The following NLGN4Y variants were observed in gnomAD, a reference collection of about 807,000 sequenced individuals.
NLGN4Y encodes neuroligin 4 Y-linked.
NLGN4Y carries 4 observed loss-of-function variants against 8.4 expected under a neutral mutation model. The observed-to-expected ratio is 0.48, with a 90% CI of 0.23 to 1.09. The LOEUF (loss-of-function observed/expected upper bound fraction) is 1.09. NLGN4Y is among the 50% of genes least tolerant of loss of function. The pLI, the probability that NLGN4Y is intolerant of heterozygous loss-of-function variation, is 0.19. For missense variants in NLGN4Y, 90 were observed against 192.3 expected (o/e 0.47, Z 3.15); for synonymous variants, 35 against 75.6 (o/e 0.46, Z 2.78).
At chrY:14,760,595 C>G in intron 4 of NLGN4Y, among the ~76,000 whole-genome samples, 1 of 33,667 alleles carries the variant, frequency 3.0e-5, no homozygotes, top group South Asian at 6.4e-4. Context: ...AATCTCAAAG[C>G]GTGACACTTT....
chrY:14,577,471 CAA>C (rs2080302829), intron 1 of NLGN4Y, among the ~76,000 whole-genome samples: 3 of 33,932 alleles, frequency 8.8e-5, no homozygotes, highest in African/African-American at 3.4e-4. Flanking sequence ...ATCTGACATT[CAA>C]AGAGTATTTT....
At chrY:14,577,832 A>C (rs1055259142) in intron 1 of NLGN4Y, among the ~76,000 whole-genome samples, 25 of 34,008 alleles carry the variant, frequency 7.4e-4, no homozygotes, top group African/African-American at 2.7e-3. Flanking sequence ...AACTGGCATG[A>C]GATTGTATCT....
At chrY:14,803,027 CATATA>C (rs2043042901) in intron 4 of NLGN4Y, among the ~76,000 whole-genome samples, 4 of 21,621 alleles carry the variant, frequency 1.9e-4, no homozygotes, top group South Asian at 8.5e-4. Context: ...AATTATTTTA[CATATA>C]ATATATTATA....
At chrY:14,804,659 C>T in intron 4 of NLGN4Y, among the ~76,000 whole-genome samples, 1 of 33,242 alleles carries the variant, frequency 3.0e-5, no homozygotes, top group Admixed American at 2.8e-4. Context: ...GTTAGGCAAG[C>T]GCCCTATAGA....
intron 1 of NLGN4Y, among the ~76,000 whole-genome samples, chrY:14,618,177 C>T (rs2080497420): frequency 3.2e-5 from 1 of 30,848 alleles, no homozygotes; most frequent in African/African-American, 1.3e-4. Context: ...CAAATGATCG[C>T]CCAGTTTCGT....
At chrY:14,605,679 A>G in intron 1 of NLGN4Y, among the ~76,000 whole-genome samples, 2 of 32,721 alleles carry the variant, frequency 6.1e-5, no homozygotes, top group Non-Finnish European at 7.5e-5. Context: ...TTGATGTTTT[A>G]TGAACAGCCT....
chrY:14,825,633 G>T, intron 5 of NLGN4Y, among the ~76,000 whole-genome samples: 3 of 32,179 alleles, frequency 9.3e-5, no homozygotes, highest in Non-Finnish European at 2.2e-4. Context: ...TGAGGCACTT[G>T]GAAGTGTCCA....
intron 1 of NLGN4Y, among the ~76,000 whole-genome samples, chrY:14,544,104 T>TTATCTTTA (rs2080160694): frequency 2.9e-5 from 1 of 34,090 alleles, no homozygotes; most frequent in South Asian, 6.4e-4. Context: ...GATTTAAAAG[T>TTATCTTTA]TATCTTTACA....
chrY:14,550,058 C>T (rs147950514), intron 1 of NLGN4Y, among the ~76,000 whole-genome samples: 31 of 33,339 alleles, frequency 9.3e-4, no homozygotes, highest in Non-Finnish European at 1.9e-3. Context: ...TGCTTCCTGG[C>T]GTGTGCGTGC....
Position 14,643,698 on chromosome Y carries a change from G to T in NLGN4Y, c.472+21107G>T, listed in dbSNP as rs1569363707. ...GCTGTGCCTGACATCTCTTTTAAGA[G>T]TTCTAACTGAAAGTTTAGGTTTACT... On this transcript the variant is annotated intron_variant, in intron 2 of 6. Coordinates refer to ENST00000684976, the MANE Select transcript of NLGN4Y (RefSeq NM_001365588.1). 2.1e-4 allele frequency among the ~76,000 whole-genome samples: 7 copies of T among 33,628 alleles called. No individual in the cohort carries two copies. The East Asian group carries it at 2.4e-3, about 11-fold the overall frequency. 90.2% of individuals were successfully genotyped at this position (33,628 alleles called of 37,273 possible). A position where few individuals can be genotyped will look rare whatever the true frequency, so the allele number is the denominator to read the frequency against.
At chrY:14,774,357 A>G (rs2081117751) in intron 4 of NLGN4Y, among the ~76,000 whole-genome samples, 1 of 33,845 alleles carries the variant, frequency 3.0e-5, no homozygotes, top group Non-Finnish European at 7.4e-5. Flanking sequence ...AAGGACATGA[A>G]CAGACACTTC....
chrY:14,769,942 A>T, intron 4 of NLGN4Y, among the ~76,000 whole-genome samples: 1 of 32,961 alleles, frequency 3.0e-5, no homozygotes, highest in African/African-American at 1.2e-4. Flanking sequence ...GGACAGTTAG[A>T]ACTCATCGGA....
intron 4 of NLGN4Y, among the ~76,000 whole-genome samples, chrY:14,735,558 C>T (rs2080989065): frequency 3.0e-5 from 1 of 33,601 alleles, no homozygotes; most frequent in Non-Finnish European, 7.3e-5. Context: ...TTGAGTATGT[C>T]TTTATTAGCA....
intron 1 of NLGN4Y, among the ~76,000 whole-genome samples, chrY:14,526,436 C>CTG (rs374815983): frequency 5.1e-3 from 151 of 29,557 alleles, no homozygotes; most frequent in Middle Eastern, 0.03. Flanking sequence ...GTATGTGTGT[C>CTG]TGTGTGTGTG....
intron 2 of NLGN4Y, among the ~76,000 whole-genome samples, chrY:14,697,114 A>G: frequency 3.1e-5 from 1 of 32,408 alleles, no homozygotes; most frequent in Non-Finnish European, 7.5e-5. Context: ...CCCAATTCAG[A>G]TCATCTAAAA....
chrY:14,558,239 A>G, intron 1 of NLGN4Y, among the ~76,000 whole-genome samples: 1 of 33,538 alleles, frequency 3.0e-5, no homozygotes, highest in South Asian at 6.8e-4. Flanking sequence ...AGGGCTTCAC[A>G]GATGAATTTA....
chrY:14,782,937 G>T, intron 4 of NLGN4Y, among the ~76,000 whole-genome samples: 1 of 33,751 alleles, frequency 3.0e-5, no homozygotes, highest in South Asian at 6.6e-4. Flanking sequence ...AACTGATGAA[G>T]AGAACTCTTT....
chrY:14,528,568 G>A, intron 1 of NLGN4Y, among the ~76,000 whole-genome samples: 1 of 31,995 alleles, frequency 3.1e-5, no homozygotes, highest in African/African-American at 1.2e-4. Context: ...CATGAGAATG[G>A]CATGGAGGAA....
chrY:14,822,938 C>A, intron 4 of NLGN4Y, among the ~76,000 whole-genome samples: 1 of 33,284 alleles, frequency 3.0e-5, no homozygotes, highest in Non-Finnish European at 7.4e-5. Context: ...TAAGACCAAC[C>A]TCACAGTTGC....
Sources: gnomAD v4.1 joint callset for allele counts (sites outside exome capture counted in the v4.1 genomes callset) on GRCh38, gnomAD v4.1.1 for gene constraint, MANE v1.5 for transcripts, NCBI Gene and HGNC (gene_info 2026-07-23, HGNC 2026-07-21) for gene names.